ADK: variants seen among roughly 807,000 people sequenced by gnomAD.
ADK encodes the protein adenosine kinase.
In ADK, 24 loss-of-function variants were observed where a neutral mutation model predicts 44.7. The ratio of observed to expected loss-of-function variants is 0.54; its 90% confidence interval spans 0.39 to 0.76. ADK has a LOEUF of 0.76. ADK is among the 30% of genes least tolerant of loss of function. ADK has a pLI of 0.00. For missense variants in ADK, 321 were observed against 425.1 expected (o/e 0.76, Z 2.15); for synonymous variants, 128 against 142.6 (o/e 0.90, Z 0.73).
intron 4 of ADK, among the ~76,000 whole-genome samples, chr10:74,384,440 T>A (rs1296030152): frequency 6.6e-6 from 1 of 151,982 alleles, no homozygotes. Flanking sequence ...GAGGCCGAGG[T>A]GGATGGATCA....
chr10:74,317,800 C>G (rs1429878697), intron 4 of ADK, among the ~76,000 whole-genome samples: 1 of 151,954 alleles, frequency 6.6e-6, no homozygotes, highest in Non-Finnish European at 1.5e-5. Context: ...TTGTTTGTTT[C>G]AAGACGGAGT....
intron 1 of ADK, among the ~76,000 whole-genome samples, chr10:74,195,866 G>A (rs1003205858): frequency 1.3e-5 from 2 of 151,550 alleles, no homozygotes; most frequent in African/African-American, 2.4e-5. Context: ...TTGTAGAGAT[G>A]GAGTCTCGCC....
intron 3 of ADK, among the ~76,000 whole-genome samples, chr10:74,259,822 C>A (rs540237464): frequency 2.0e-5 from 3 of 152,124 alleles, no homozygotes; most frequent in Non-Finnish European, 4.4e-5. Flanking sequence ...CTCATTCTTT[C>A]TATACATGTT....
chr10:74,483,500 T>C (rs1263709671), intron 6 of ADK, among the ~76,000 whole-genome samples: 1 of 152,220 alleles, frequency 6.6e-6, no homozygotes, highest in Admixed American at 6.5e-5. Context: ...CTTATGCAAA[T>C]TTCTACAGCC....
intron 1 of ADK, among the ~76,000 whole-genome samples, chr10:74,154,071 T>C (rs932014450): frequency 3.3e-5 from 5 of 152,106 alleles, no homozygotes; most frequent in Non-Finnish European, 7.4e-5. Context: ...TCTGTGACTG[T>C]AGGGTATCTG....
chr10:74,346,109 C>T (rs1284572851), intron 4 of ADK, among the ~76,000 whole-genome samples: 1 of 152,192 alleles, frequency 6.6e-6, no homozygotes, highest in Non-Finnish European at 1.5e-5. Context: ...GCAAGCTGGT[C>T]TCAAACTCCT....
intron 3 of ADK, among the ~76,000 whole-genome samples, chr10:74,234,569 T>G (rs1477061235): frequency 6.6e-6 from 1 of 152,188 alleles, no homozygotes; most frequent in Non-Finnish European, 1.5e-5. Context: ...TTTTATAAGT[T>G]TTAGTATGGT....
chr10:74,377,563 G>C (rs1420805891), intron 4 of ADK, among the ~76,000 whole-genome samples: 1 of 152,150 alleles, frequency 6.6e-6, no homozygotes, highest in African/African-American at 2.4e-5. Flanking sequence ...AAGGTGCTTT[G>C]TGCACATTCT....
chr10:74,549,460 G>A (rs1298675692), intron 7 of ADK, among the ~76,000 whole-genome samples: 1 of 152,016 alleles, frequency 6.6e-6, no homozygotes, highest in African/African-American at 2.4e-5. Flanking sequence ...TAGAGACAGG[G>A]TCTCACTCAC....
At chr10:74,570,970 C>T in intron 7 of ADK, among the ~76,000 whole-genome samples, 1 of 152,166 alleles carries the variant, frequency 6.6e-6, no homozygotes. Flanking sequence ...CCATCAATAC[C>T]TAATTTATTG....
intron 6 of ADK, among the ~76,000 whole-genome samples, chr10:74,455,682 G>T (rs1393937516): frequency 2.0e-5 from 3 of 152,024 alleles, no homozygotes; most frequent in African/African-American, 7.2e-5. Flanking sequence ...GCTAATTTTT[G>T]TATTTTTATT....
intron 9 of ADK, among the ~76,000 whole-genome samples, chr10:74,658,772 A>G (rs1854588270): frequency 6.6e-6 from 1 of 152,128 alleles, no homozygotes; most frequent in Non-Finnish European, 1.5e-5. Flanking sequence ...TGTAACATTT[A>G]AAGAAGTAGA....
At chr10:74,360,583 T>C (rs1842301906) in intron 4 of ADK, among the ~76,000 whole-genome samples, 1 of 152,206 alleles carries the variant, frequency 6.6e-6, no homozygotes, top group South Asian at 2.1e-4. Flanking sequence ...TTTCCCTTTG[T>C]ATCTAATAAT....
intron 3 of ADK, among the ~76,000 whole-genome samples, chr10:74,287,976 C>T (rs2132468357): frequency 7.6e-6 from 1 of 130,942 alleles, no homozygotes. Context: ...TACTGAGACC[C>T]TGTCTCAAAA....
intron 7 of ADK, among the ~76,000 whole-genome samples, chr10:74,570,811 C>A (rs2133855100): frequency 1.3e-5 from 2 of 152,226 alleles, no homozygotes; most frequent in East Asian, 3.9e-4. Flanking sequence ...CTGGCCAGAA[C>A]TTCCAACACT....
intron 4 of ADK, among the ~76,000 whole-genome samples, chr10:74,384,538 C>T (rs905475652): frequency 2.6e-5 from 4 of 152,020 alleles, no homozygotes; most frequent in Non-Finnish European, 5.9e-5. Flanking sequence ...GGCATGGTGG[C>T]GTGCACCTGT....
chr10:74,598,440 C>CTTTTTTTTTTTTTTTTTT lies in ADK; in HGVS notation c.763-1939_763-1938insTTTTTTTTTTTTTTTTTT, dbSNP rs367982701. On this transcript the variant is annotated intron_variant, in intron 8 of 10. Transcript: ENST00000539909. ...TAGAAAGCAACCATGGAATCTTATT[C>CTTTTTTTTTTTTTTTTTT]CTTTTTTTTTTTTTTTTTTTTTTTT... Among the ~76,000 whole-genome samples, 4 of 114,066 alleles carry CTTTTTTTTTTTTTTTTTT rather than the reference C, an allele frequency of 3.5e-5. 2 individuals are homozygous for CTTTTTTTTTTTTTTTTTT. Among genetic ancestry groups the CTTTTTTTTTTTTTTTTTT allele is most frequent in the African/African-American group, 8.0e-5 (2 of 24,994 alleles). 74.8% of individuals were successfully genotyped at this position (114,066 alleles called of 152,430 possible).
At chr10:74,316,409 C>A (rs1366122199) in intron 4 of ADK, among the ~76,000 whole-genome samples, 9 of 152,110 alleles carry the variant, frequency 5.9e-5, no homozygotes, top group Non-Finnish European at 1.3e-4. Flanking sequence ...TGTATAATCC[C>A]CACATGCCAA....
intron 10 of ADK, among the ~76,000 whole-genome samples, chr10:74,679,701 C>T (rs999180635): frequency 6.6e-6 from 1 of 152,094 alleles, no homozygotes; most frequent in Non-Finnish European, 1.5e-5. Flanking sequence ...GGGGCTCACA[C>T]CTGTAATCCC....
Sources: gnomAD v4.1 joint callset for allele counts (sites outside exome capture counted in the v4.1 genomes callset) on GRCh38, gnomAD v4.1.1 for gene constraint, MANE v1.5 for transcripts, NCBI Gene and HGNC (gene_info 2026-07-23, HGNC 2026-07-21) for gene names.